TLK1: variants seen among roughly 807,000 people sequenced by gnomAD.
The protein encoded by TLK1 is tousled like kinase 1.
TLK1 carries 24 observed loss-of-function variants against 105.3 expected under a neutral mutation model. The ratio of observed to expected loss-of-function variants is 0.23; its 90% confidence interval spans 0.17 to 0.32. The LOEUF is 0.32. Ranked by LOEUF, TLK1 falls within the 10% of genes least tolerant of loss-of-function variation. TLK1 has a pLI of 1.00. For synonymous variants in TLK1, 321 were observed against 310.4 expected, an observed-to-expected ratio of 1.03 and a Z score of -0.36; for missense variants, 558 against 910.5, an observed-to-expected ratio of 0.61 and a Z score of 4.98.
chr2:171,144,447 G>A (rs1396101672), intron 1 of TLK1, among the ~76,000 whole-genome samples: 5 of 151,896 alleles, frequency 3.3e-5, no homozygotes, highest in Non-Finnish European at 5.9e-5. Flanking sequence ...TCAACAAACT[G>A]AAAAGGATAA....
At chr2:171,014,636 C>T (rs1463978507) in intron 13 of TLK1, among the ~76,000 whole-genome samples, 1 of 152,072 alleles carries the variant, frequency 6.6e-6, no homozygotes, top group Non-Finnish European at 1.5e-5. Flanking sequence ...CAAAAGCCCA[C>T]TGAGAAGGGA....
chr2:171,135,676 C>CTACTCCAGAGGTTGGGG, intron 1 of TLK1, among the ~76,000 whole-genome samples: 1 of 152,064 alleles, frequency 6.6e-6, no homozygotes, highest in South Asian at 2.1e-4. Flanking sequence ...GTGGTGGGCA[C>CTACTCCAGAGGTTGGGG]CTGTAATCCC....
At chr2:171,049,990 T>C (rs754109417) in intron 9 of TLK1, 40 bp from the exon 10 acceptor site, 3 of 1,611,954 alleles carry the variant, frequency 1.9e-6, no homozygotes, top group South Asian at 1.1e-5. Flanking sequence ...ATTGTATTCA[T>C]TAATTTATAA....
chr2:171,140,405 G>T (rs1354048541), intron 1 of TLK1, among the ~76,000 whole-genome samples: 1 of 151,522 alleles, frequency 6.6e-6, no homozygotes, highest in Non-Finnish European at 1.5e-5. Flanking sequence ...AGTGAGTCTG[G>T]TATACCAGGT....
At chr2:171,024,340 A>G (rs926621016) in intron 12 of TLK1, among the ~76,000 whole-genome samples, 2 of 152,184 alleles carry the variant, frequency 1.3e-5, no homozygotes, top group Non-Finnish European at 2.9e-5. Context: ...TTAGTTAATA[A>G]TAAAGAAATA....
At chr2:171,069,844 A>G (rs1242928381) in intron 3 of TLK1, among the ~76,000 whole-genome samples, 4 of 152,252 alleles carry the variant, frequency 2.6e-5, no homozygotes, top group Non-Finnish European at 1.5e-5. Flanking sequence ...GGTAAATACC[A>G]AATAGTTGTA....
At chr2:171,018,571 T>C (rs1559345363) in intron 12 of TLK1, among the ~76,000 whole-genome samples, 1 of 152,212 alleles carries the variant, frequency 6.6e-6, no homozygotes, top group Non-Finnish European at 1.5e-5. Context: ...AATAATCTTT[T>C]TCCAAGGGTT....
At chr2:171,005,189 TA>T (rs1296758120) in intron 18 of TLK1, among the ~76,000 whole-genome samples, 3 of 152,260 alleles carry the variant, frequency 2.0e-5, no homozygotes, top group Non-Finnish European at 2.9e-5. Flanking sequence ...CTCTGAGAAC[TA>T]AGTTTGTTTT....
chr2:171,026,244 G>A (rs16859121), intron 12 of TLK1, among the ~76,000 whole-genome samples: 17,196 of 151,968 alleles, frequency 0.11, 1,525 homozygotes, highest in African/African-American at 0.24. Context: ...AAAATACGAA[G>A]GTTAGAAGGT....
In TLK1 at chr2:171,053,957, T is replaced by C. The variant is rs1481561622; in HGVS notation, c.640-104A>G. The stretch of plus-strand genomic sequence containing the variant: ...ATTCAAAAGGTAAAGAAAAATATAT[T>C]TGTGTGTATATGTAAAGTGAATCTC... On this transcript the variant is annotated intron_variant, in intron 7 of 20. Coordinates refer to ENST00000431350, the MANE Select transcript of TLK1 (RefSeq NM_012290.5). 3 of 846,860 alleles carry C rather than the reference T, an allele frequency of 3.5e-6. No individual in the cohort carries two copies. In the African/African-American group the frequency reaches 5.2e-5, roughly 15 times the overall value. The allele number at this position is 846,860 out of a possible 1,614,324, so 52.5% of individuals were successfully genotyped here.
intron 20 of TLK1, 115 bp from the exon 21 acceptor site, chr2:170,994,071 T>C: frequency 8.4e-7 from 1 of 1,185,986 alleles, no homozygotes; most frequent in Non-Finnish European, 1.1e-6. Context: ...TCTCATTTTA[T>C]TGGAAGTTCA....
chr2:171,116,590 C>T (rs1375147959), intron 2 of TLK1, among the ~76,000 whole-genome samples: 1 of 151,810 alleles, frequency 6.6e-6, no homozygotes, highest in Non-Finnish European at 1.5e-5. Flanking sequence ...ATCCCAGCTA[C>T]TTGGGAGGCT....
chr2:171,222,860 G>T (rs928250482), intron 1 of TLK1, among the ~76,000 whole-genome samples: 1 of 151,880 alleles, frequency 6.6e-6, no homozygotes, highest in Non-Finnish European at 1.5e-5. Context: ...TGTCGCCCAG[G>T]CTGGAGTATG....
chr2:171,051,746 T>C (rs1038584632), intron 8 of TLK1, among the ~76,000 whole-genome samples: 4 of 152,178 alleles, frequency 2.6e-5, no homozygotes, highest in Admixed American at 2.0e-4. Context: ...AAAAAGATGC[T>C]GCAGTACTTG....
At chr2:171,111,116 T>C (rs1282978516) in intron 2 of TLK1, among the ~76,000 whole-genome samples, 1 of 152,082 alleles carries the variant, frequency 6.6e-6, no homozygotes, top group Non-Finnish European at 1.5e-5. Context: ...ATTTGAAATA[T>C]TCATTAAACA....
chr2:171,204,787 C>T (rs1354502449), intron 1 of TLK1, among the ~76,000 whole-genome samples: 2 of 151,772 alleles, frequency 1.3e-5, no homozygotes, highest in Non-Finnish European at 2.9e-5. Flanking sequence ...GGTGAAACCC[C>T]ATTTCTACTA....
chr2:171,215,418 G>A (rs193177712), intron 1 of TLK1, among the ~76,000 whole-genome samples: 1 of 146,156 alleles, frequency 6.8e-6, no homozygotes, highest in Non-Finnish European at 1.5e-5. Context: ...TTTCCTCAGC[G>A]ATCTGAGGGA....
chr2:171,015,424 AC>A lies in TLK1; in HGVS notation c.1237-477del, dbSNP rs1685130685. On this transcript the variant is annotated intron_variant, in intron 12 of 20. Transcript: ENST00000431350. ...CAGCATTTGGAGTACAAACACACACACACACACACACACACACACACACACA... is the reference window on the plus strand; with the variant it reads ...CAGCATTTGGAGTACAAACACACACAACACACACACACACACACACACACA... Among the ~76,000 whole-genome samples the A allele has an allele frequency of 1.0e-4, 6 of 60,100 alleles. No individual in the cohort carries two copies. In the South Asian group the frequency reaches 2.6e-3, roughly 26 times the overall value. 39.4% of individuals were successfully genotyped at this position (60,100 alleles called of 152,430 possible). A position where few individuals can be genotyped will look rare whatever the true frequency, so the allele number is the denominator to read the frequency against.
At chr2:171,112,610 T>A (rs940514646) in intron 2 of TLK1, among the ~76,000 whole-genome samples, 2 of 151,986 alleles carry the variant, frequency 1.3e-5, no homozygotes, top group Non-Finnish European at 1.5e-5. Flanking sequence ...AAGGAAAAAA[T>A]ATGTATTTAA....
Sources: gnomAD v4.1 joint callset for allele counts (sites outside exome capture counted in the v4.1 genomes callset) on GRCh38, gnomAD v4.1.1 for gene constraint, MANE v1.5 for transcripts, NCBI Gene and HGNC (gene_info 2026-07-23, HGNC 2026-07-21) for gene names.